Variants in XKR6 observed in about 807,000 individuals in gnomAD.
XKR6 encodes the protein XK related 6.
A neutral mutation model predicts 56.7 loss-of-function variants in XKR6; 22 were observed. The ratio of observed to expected loss-of-function variants is 0.39; its 90% CI spans 0.28 to 0.55. The LOEUF (loss-of-function observed/expected upper bound fraction) is 0.55, where lower values mean the gene tolerates loss of function less well. XKR6 is among the 20% of genes least tolerant of loss of function. XKR6 has a pLI of 0.66. For missense variants in XKR6, 852 were observed against 889.0 expected, an observed-to-expected ratio of 0.96 and a Z score of 0.53; for synonymous variants, 524 against 387.8, an observed-to-expected ratio of 1.35 and a Z score of -4.13.
chr8:11,078,077 T>G (rs546757797), intron 1 of XKR6, among the ~76,000 whole-genome samples: 1 of 152,264 alleles, frequency 6.6e-6, no homozygotes, highest in East Asian at 1.9e-4. Flanking sequence ...TAAAGCCCTC[T>G]GGGAAAACAT....
At chr8:11,036,857 C>T (rs207468937) in intron 1 of XKR6, among the ~76,000 whole-genome samples, 4 of 152,216 alleles carry the variant, frequency 2.6e-5, no homozygotes, top group South Asian at 2.1e-4. Flanking sequence ...AAGGTGGCTG[C>T]GTGTGTTATT....
intron 1 of XKR6, among the ~76,000 whole-genome samples, chr8:10,980,117 A>T (rs1563325425): frequency 6.6e-6 from 1 of 152,200 alleles, no homozygotes; most frequent in Non-Finnish European, 1.5e-5. Flanking sequence ...CCAGAAAGGG[A>T]GTGGCCTCAG....
intron 1 of XKR6, among the ~76,000 whole-genome samples, chr8:11,190,108 G>C (rs1180455543): frequency 3.3e-5 from 5 of 151,124 alleles, no homozygotes; most frequent in Non-Finnish European, 7.4e-5. Flanking sequence ...AGTGAGCCGA[G>C]ATCGCGCCAC....
intron 1 of XKR6, among the ~76,000 whole-genome samples, chr8:11,150,847 C>T (rs999222840): frequency 7.2e-5 from 8 of 111,582 alleles, no homozygotes; most frequent in African/African-American, 3.6e-4. Flanking sequence ...AGCAAGACTC[C>T]ATCTCAAAAA....
intron 1 of XKR6, among the ~76,000 whole-genome samples, chr8:11,059,703 G>A (rs1799782709): frequency 1.6e-5 from 2 of 128,136 alleles, no homozygotes; most frequent in Admixed American, 7.1e-5. Context: ...GGACAGGCGC[G>A]TCTCTGTTCC....
At chr8:11,165,731 G>T (rs923382388) in intron 1 of XKR6, among the ~76,000 whole-genome samples, 5 of 152,078 alleles carry the variant, frequency 3.3e-5, no homozygotes, top group African/African-American at 1.2e-4. Context: ...AGTGGCCAAG[G>T]AACACCAGAA....
chr8:11,068,474 C>A (rs1019708303), intron 1 of XKR6, among the ~76,000 whole-genome samples: 1 of 152,180 alleles, frequency 6.6e-6, no homozygotes, highest in African/African-American at 2.4e-5. Context: ...TTTTTTCTTG[C>A]CCTGTTTTCC....
At chr8:10,912,447 GTATATATA>G (rs371843959) in intron 2 of XKR6, among the ~76,000 whole-genome samples, 4 of 117,280 alleles carry the variant, frequency 3.4e-5, no homozygotes, top group Admixed American at 2.7e-4. Context: ...ATAGGTGAGT[GTATATATA>G]TATATATATA....
chr8:11,154,304 T>A (rs1186876534), intron 1 of XKR6, among the ~76,000 whole-genome samples: 1 of 152,168 alleles, frequency 6.6e-6, no homozygotes, highest in African/African-American at 2.4e-5. Context: ...TAATAAAAAC[T>A]CTAGACACCA....
intron 1 of XKR6, among the ~76,000 whole-genome samples, chr8:11,161,418 A>T (rs1200233937): frequency 6.6e-6 from 1 of 152,170 alleles, no homozygotes; most frequent in Non-Finnish European, 1.5e-5. Flanking sequence ...GCCTTTGCTC[A>T]TGATGTCCCT....
In XKR6 at chr8:11,201,039, G is replaced by A; in HGVS notation, c.301C>T (p.Pro101Ser). Reference sequence around the variant, plus strand: ...GTCGGGGGTTGGCGGCCGGCGCCGGGGGCCGCGGGAGGCTGCAGCGGCTGG... The same window carrying A: ...GTCGGGGGTTGGCGGCCGGCGCCGGAGGCCGCGGGAGGCTGCAGCGGCTGG... ...GDQPLQPPAA[P>S]GAGRQPPTPS... The change falls in exon 1 of 3, where the codon CCC (proline) becomes TCC (serine). Residue 101 changes from proline (P) to serine (S), a missense_variant. Around this residue, in one of 4 missense-constraint regions of XKR6, gnomAD observed 417 missense variants for 355.2 expected, o/e 1.17. Transcript: ENST00000416569. The A allele has an allele frequency of 8.3e-7, 1 of 1,205,396 alleles. No individual in the cohort carries two copies. The highest frequency in any genetic ancestry group is 1.0e-6 in the Non-Finnish European group (1 of 975,218). The allele number at this position is 1,205,396 out of a possible 1,614,324, so 74.7% of individuals were successfully genotyped here.
rs921621079 is a variant in XKR6 at position 11,144,840 on chromosome 8, A to AGGAAG, written c.764+55731_764+55735dup. 4.2e-5 allele frequency among the ~76,000 whole-genome samples: 6 copies of AGGAAG among 141,686 alleles called. No individual in the cohort carries two copies. In the South Asian group the frequency reaches 1.3e-3, roughly 30 times the overall value. The allele number at this position is 141,686 out of a possible 152,430, so 93.0% of individuals were successfully genotyped here. A position where few individuals can be genotyped will look rare whatever the true frequency, so the allele number is the denominator to read the frequency against. ...CCTAAACAAAGACAGCTCAGTTTGG[A>AGGAAG]GGAAGGGAAGGGAAGGGAGGGGTAG... On this transcript the variant is annotated intron_variant, in intron 1 of 2. Transcript: ENST00000416569.
At chr8:10,990,454 G>A (rs1249314397) in intron 1 of XKR6, among the ~76,000 whole-genome samples, 2 of 152,224 alleles carry the variant, frequency 1.3e-5, no homozygotes, top group Admixed American at 1.3e-4. Context: ...CACACCGGCA[G>A]TAGTTGGAGA....
Position 10,898,782 on chromosome 8 carries a change from A to C in XKR6, c.1096T>G (p.Phe366Val). The stretch of plus-strand genomic sequence containing the variant: ...GAGATCACTCGGGATGAGATGGTGA[A>C]GAGGCGCCAGAAGACCTGGATGATG... Reference protein sequence around the residue: ...GAIIQVFWRLFTISSRVISFA... With the variant: ...GAIIQVFWRLVTISSRVISFA... Residue 366 changes from phenylalanine to valine, a missense_variant, in exon 3 of 3, where the codon TTC becomes GTC. Coordinates refer to ENST00000416569, the MANE Select transcript of XKR6 (RefSeq NM_173683.4). This position sits in a 1 kb window ranked among gnomAD's most constrained non-coding sequence, Gnocchi z 6.6. 6.2e-7 allele frequency: 1 copy of C among 1,614,168 alleles called. No individual in the cohort carries two copies. Among genetic ancestry groups the C allele is most frequent in the South Asian group, 1.1e-5 (1 of 91,076 alleles).
rs775232665 is a variant in XKR6 at position 11,200,994 on chromosome 8, C to G, written c.346G>C (p.Glu116Gln). Residue 116 changes from glutamate to glutamine, a missense_variant, in exon 1 of 3, where the codon GAG (glutamate) becomes CAG (glutamine). Physicochemically the swap from Glu to Gln is conservative, Grantham distance 29. This residue lies in a region of XKR6 where 417 missense variants were observed against 355.2 expected (regional missense o/e 1.17). Transcript: ENST00000416569. The surrounding 1 kb of genome is among the most constrained non-coding windows in gnomAD (Gnocchi z 6.4). ...CGCTCCACCTGCGGCGGCGGCGGCT[C>G]CGGCCGCGCGGCCGAGGGCGTCGGG... is the stretch of plus-strand genomic sequence containing the variant. ...QPPTPSAARPEPPPPQVERPW... is the reference protein window; with the variant it reads ...QPPTPSAARPQPPPPQVERPW... 18 of 1,461,072 alleles carry G rather than the reference C, an allele frequency of 1.2e-5. No individual in the cohort carries two copies. Among genetic ancestry groups the G allele is most frequent in the South Asian group, 1.4e-5 (1 of 70,694 alleles). The allele number at this position is 1,461,072 out of a possible 1,614,324, so 90.5% of individuals were successfully genotyped here. A position where few individuals can be genotyped will look rare whatever the true frequency, so the allele number is the denominator to read the frequency against.
At chr8:10,943,540 G>A (rs529044148) in intron 1 of XKR6, among the ~76,000 whole-genome samples, 2 of 152,206 alleles carry the variant, frequency 1.3e-5, no homozygotes, top group South Asian at 4.2e-4. Context: ...CCATCCCTGT[G>A]TAGGGCCAAG....
chr8:11,165,818 G>C (rs1480848073), intron 1 of XKR6, among the ~76,000 whole-genome samples: 3 of 152,026 alleles, frequency 2.0e-5, no homozygotes, highest in African/African-American at 7.3e-5. Flanking sequence ...TACAATGGTA[G>C]AACTTGTCTT....
chr8:11,079,706 T>A (rs566400731), intron 1 of XKR6, among the ~76,000 whole-genome samples: 1 of 152,364 alleles, frequency 6.6e-6, no homozygotes, highest in South Asian at 2.1e-4. Flanking sequence ...ATGCCTCTTA[T>A]TCTAGCACTT....
At chr8:11,111,403 G>C (rs761899872) in intron 1 of XKR6, among the ~76,000 whole-genome samples, 1 of 152,076 alleles carries the variant, frequency 6.6e-6, no homozygotes, top group African/African-American at 2.4e-5. Context: ...AAGTATATTT[G>C]GATATAATTT....
Sources: allele counts gnomAD v4.1 joint callset (sites outside exome capture counted in the v4.1 genomes callset), GRCh38; gene constraint gnomAD v4.1.1; regional missense constraint gnomAD v4.1.1; non-coding constraint Gnocchi (gnomAD v3.1); transcripts MANE v1.5; gene names NCBI Gene and HGNC (gene_info 2026-07-23, HGNC 2026-07-21).